The following KHDRBS2 variants were observed in gnomAD, a reference collection of about 807,000 sequenced individuals.
The protein encoded by KHDRBS2 is KH domain-containing, RNA-binding, signal transduction-associated protein 2.
KHDRBS2 carries 26 observed loss-of-function variants against 44.3 expected under a neutral mutation model. The ratio of observed to expected loss-of-function variants is 0.59; its 90% CI spans 0.43 to 0.81. The LOEUF (loss-of-function observed/expected upper bound fraction) is 0.81. KHDRBS2 is among the 40% of genes least tolerant of loss of function. The probability of loss-of-function intolerance (pLI) is 0.00; values close to 1 mark genes in which losing one functional copy is unlikely to be tolerated. For synonymous variants in KHDRBS2, 194 were observed against 151.1 expected, an observed-to-expected ratio of 1.28 and a Z score of -2.08; for missense variants, 476 against 433.1, an observed-to-expected ratio of 1.10 and a Z score of -0.88.
intron 1 of KHDRBS2, among the ~76,000 whole-genome samples, chr6:62,202,078 A>C (rs1370578608): frequency 1.3e-5 from 2 of 152,162 alleles, no homozygotes; most frequent in Non-Finnish European, 2.9e-5. Flanking sequence ...AAATAATCTT[A>C]CAGAGAAATT....
chr6:62,037,587 G>C (rs1785557171), intron 3 of KHDRBS2, among the ~76,000 whole-genome samples: 1 of 151,968 alleles, frequency 6.6e-6, no homozygotes, highest in African/African-American at 2.4e-5. Context: ...TTGAGGAACA[G>C]GAAGCAGCAA....
chr6:62,217,806 A>C (rs1042133615), intron 1 of KHDRBS2, among the ~76,000 whole-genome samples: 2 of 151,908 alleles, frequency 1.3e-5, no homozygotes, highest in Non-Finnish European at 2.9e-5. Context: ...AAAGCATCAA[A>C]ATATAGAATC....
At chr6:62,044,704 C>T (rs1787292997) in intron 3 of KHDRBS2, among the ~76,000 whole-genome samples, 1 of 151,790 alleles carries the variant, frequency 6.6e-6, no homozygotes, top group African/African-American at 2.4e-5. Flanking sequence ...ACACAAGGAG[C>T]CCCTCATGTG....
At chr6:62,151,511 A>G (rs1303620185) in intron 2 of KHDRBS2, among the ~76,000 whole-genome samples, 1 of 152,176 alleles carries the variant, frequency 6.6e-6, no homozygotes, top group African/African-American at 2.4e-5. Flanking sequence ...TAAGTAAAAG[A>G]AGAAACATTT....
chr6:62,067,122 T>G (rs541598136), intron 2 of KHDRBS2, among the ~76,000 whole-genome samples: 1 of 151,666 alleles, frequency 6.6e-6, no homozygotes, highest in African/African-American at 2.4e-5. Flanking sequence ...AATTGGGGAC[T>G]GAGCAGATTA....
the KHDRBS2 span, among the ~76,000 whole-genome samples, chr6:61,578,730 G>A: frequency 6.6e-6 from 1 of 152,156 alleles, no homozygotes; most frequent in East Asian, 1.9e-4. Context: ...AGCGATTATA[G>A]TCGGATGCTT....
intron 2 of KHDRBS2, among the ~76,000 whole-genome samples, chr6:62,171,685 C>A (rs953226758): frequency 2.6e-5 from 4 of 152,058 alleles, no homozygotes; most frequent in African/African-American, 9.7e-5. Flanking sequence ...AGAGAAGGGG[C>A]AGGCCACCTA....
chr6:61,591,342 A>G, the KHDRBS2 span, among the ~76,000 whole-genome samples: 9 of 152,192 alleles, frequency 5.9e-5, no homozygotes, highest in Non-Finnish European at 1.3e-4. Context: ...AAGTATGGAG[A>G]AGCTATATAG....
intron 6 of KHDRBS2, among the ~76,000 whole-genome samples, chr6:61,873,609 C>CA (rs1195481119): frequency 1.5e-5 from 2 of 136,700 alleles, no homozygotes; most frequent in Non-Finnish European, 3.1e-5. Context: ...CAAGAATGCT[C>CA]ATGTTGTTCA....
At chr6:61,831,708 T>G (rs1196129209) in intron 6 of KHDRBS2, among the ~76,000 whole-genome samples, 1 of 152,112 alleles carries the variant, frequency 6.6e-6, no homozygotes, top group South Asian at 2.1e-4. Flanking sequence ...AATATCTTCT[T>G]AAATATCACG....
intron 1 of KHDRBS2, among the ~76,000 whole-genome samples, chr6:62,267,785 T>G (rs1433547107): frequency 1.3e-5 from 2 of 152,042 alleles, no homozygotes; most frequent in Non-Finnish European, 2.9e-5. Flanking sequence ...AAAAAGATGC[T>G]TTCAGGGATT....
chr6:61,986,610 T>C (rs922474725), intron 3 of KHDRBS2, among the ~76,000 whole-genome samples: 1 of 152,220 alleles, frequency 6.6e-6, no homozygotes, highest in African/African-American at 2.4e-5. Flanking sequence ...AGGCTGCTAC[T>C]GCAAAATACC....
intron 4 of KHDRBS2, among the ~76,000 whole-genome samples, chr6:61,917,806 G>C (rs1041748986): frequency 6.6e-6 from 1 of 151,914 alleles, no homozygotes. Context: ...AAAAATAAAA[G>C]ATCAATTAAT....
At chr6:61,701,402 G>A (rs367663290) in intron 7 of KHDRBS2, among the ~76,000 whole-genome samples, 2 of 151,868 alleles carry the variant, frequency 1.3e-5, no homozygotes, top group Non-Finnish European at 2.9e-5. Flanking sequence ...TATTTCAATC[G>A]CAAGAGATAA....
chr6:61,685,442 T>C (rs1766713431), intron 8 of KHDRBS2, among the ~76,000 whole-genome samples: 1 of 151,892 alleles, frequency 6.6e-6, no homozygotes, highest in Admixed American at 6.6e-5. Context: ...AAACCAATTA[T>C]GCAAAATAAG....
chr6:62,255,776 C>T (rs1837299301), intron 1 of KHDRBS2, among the ~76,000 whole-genome samples: 2 of 151,856 alleles, frequency 1.3e-5, no homozygotes, highest in Admixed American at 1.3e-4. Context: ...CCAGGTAAAA[C>T]CATCCTATAC....
chr6:61,793,518 C>A (rs1582873210), intron 6 of KHDRBS2, among the ~76,000 whole-genome samples: 1 of 151,906 alleles, frequency 6.6e-6, no homozygotes, highest in Middle Eastern at 3.4e-3. Flanking sequence ...GGAGGGAAAT[C>A]AGGATAAGGA....
At chr6:62,064,262 C>T (rs1042183563) in intron 2 of KHDRBS2, among the ~76,000 whole-genome samples, 1 of 148,092 alleles carries the variant, frequency 6.8e-6, no homozygotes, top group Non-Finnish European at 1.5e-5. Flanking sequence ...ACTTTCTTCA[C>T]AGAATTGGAA....
At chr6:61,947,138 T>C (rs190149521) in intron 4 of KHDRBS2, among the ~76,000 whole-genome samples, 1 of 152,314 alleles carries the variant, frequency 6.6e-6, no homozygotes, top group East Asian at 1.9e-4. Flanking sequence ...TTACATCTTG[T>C]CCATTGACAT....
Sources: gnomAD v4.1 joint callset for allele counts (sites outside exome capture counted in the v4.1 genomes callset) on GRCh38, gnomAD v4.1.1 for gene constraint, MANE v1.5 for transcripts, NCBI Gene and HGNC (gene_info 2026-07-23, HGNC 2026-07-21) for gene names.